Variants in NXN observed in about 807,000 individuals in gnomAD.
NXN encodes the protein nucleoredoxin 1.
Under a neutral mutation model 48.6 loss-of-function variants are expected in NXN, and 16 were observed. That is an observed-to-expected ratio of 0.33 (90% confidence interval 0.22 to 0.50). NXN has a LOEUF of 0.50. NXN is among the 20% of genes least tolerant of loss of function. The probability of loss-of-function intolerance (pLI) is 0.98; values close to 1 mark genes in which losing one functional copy is unlikely to be tolerated. For missense variants in NXN, 492 were observed against 605.5 expected (o/e 0.81, Z 1.97); for synonymous variants, 281 against 269.6 (o/e 1.04, Z -0.41).
chr17:936,566 G>C (rs1221816426), intron 1 of NXN, among the ~76,000 whole-genome samples: 1 of 151,462 alleles, frequency 6.6e-6, no homozygotes, highest in Non-Finnish European at 1.5e-5. Flanking sequence ...AACTGGACTT[G>C]GAGGAAGGGC....
At chr17:883,078 T>C (rs1181996936) in intron 1 of NXN, among the ~76,000 whole-genome samples, 1 of 152,164 alleles carries the variant, frequency 6.6e-6, no homozygotes, top group East Asian at 1.9e-4. Context: ...AACTTGGCTG[T>C]GTGTAGTGGC....
intron 1 of NXN, among the ~76,000 whole-genome samples, chr17:915,195 A>C (rs2068675543): frequency 6.6e-6 from 1 of 152,194 alleles, no homozygotes; most frequent in South Asian, 2.1e-4. Flanking sequence ...CAGCCTCCAA[A>C]AGTGCTGGGA....
At chr17:902,664 C>T (rs1473573781) in intron 1 of NXN, among the ~76,000 whole-genome samples, 2 of 152,100 alleles carry the variant, frequency 1.3e-5, no homozygotes, top group African/African-American at 4.8e-5. Context: ...ACAGAACAAG[C>T]ACCACGACAG....
chr17:971,889 C>T (rs959381329), intron 1 of NXN, among the ~76,000 whole-genome samples: 13 of 152,264 alleles, frequency 8.5e-5, no homozygotes, highest in East Asian at 1.9e-4. Context: ...ACATCCTGGC[C>T]GGGCGCCGCA....
chr17:885,690 T>C (rs2068337735), intron 1 of NXN, among the ~76,000 whole-genome samples: 2 of 61,326 alleles, frequency 3.3e-5, no homozygotes, highest in Non-Finnish European at 8.2e-5. Context: ...TTTTTTTTTT[T>C]TTTTTTTTTT....
intron 1 of NXN, among the ~76,000 whole-genome samples, chr17:943,676 A>G (rs936285828): frequency 6.6e-6 from 1 of 151,274 alleles, no homozygotes; most frequent in African/African-American, 2.4e-5. Context: ...ATAAAAATTA[A>G]CCGGGCTTGG....
chr17:977,783 C>G (rs2069479004), intron 1 of NXN, among the ~76,000 whole-genome samples: 1 of 152,192 alleles, frequency 6.6e-6, no homozygotes, highest in African/African-American at 2.4e-5. Context: ...ATCACAAAAA[C>G]CACCACCAAG....
In NXN at chr17:952,947, G is replaced by A. The variant is rs142734203; in HGVS notation, c.360+26372C>T. On this transcript the variant is annotated intron_variant, in intron 1 of 7. Transcript: ENST00000336868. ...GACCCACTTCTCCGTCCTGGAAGAC[G>A]CAATGAGATAATACATGAAAAGCAG... 1.2e-4 allele frequency among the ~76,000 whole-genome samples: 18 copies of A among 152,210 alleles called. No individual in the cohort carries two copies. In the East Asian group the frequency reaches 3.1e-3, roughly 26 times the overall value.
rs541423037 is a variant in NXN, at chr17:889,743, GAAAGAAAGAAAGAAAGAAAA to G, written c.361-63685_361-63666del. Among the ~76,000 whole-genome samples, 626 of 100,184 alleles carry G rather than the reference GAAAGAAAGAAAGAAAGAAAA, an allele frequency of 6.2e-3. 12 individuals are homozygous for G. The highest frequency in any genetic ancestry group is 0.017 in the South Asian group (54 of 3,106). 65.7% of individuals were successfully genotyped at this position (100,184 alleles called of 152,430 possible). A position where few individuals can be genotyped will look rare whatever the true frequency, so the allele number is the denominator to read the frequency against. On this transcript the variant is annotated intron_variant, in intron 1 of 7. Transcript: ENST00000336868. Reference sequence around the variant, plus strand: ...AGAAAGAAAGAAAGAAAGAAAGAAAGAAAGAAAGAAAGAAAGAAAAAGAAAGAAAGAAAAGAGAGAGAAAA... The same window carrying G: ...AGAAAGAAAGAAAGAAAGAAAGAAAGAGAAAGAAAGAAAAGAGAGAGAAAA...
intron 1 of NXN, among the ~76,000 whole-genome samples, chr17:832,264 G>A (rs112531027): frequency 0.34 from 51,198 of 151,184 alleles, 9,070 homozygotes; most frequent in African/African-American, 0.45. Context: ...TGCAAGCTCC[G>A]CCTCCCAGGT....
At chr17:810,231 G>C (rs1911891822) in intron 5 of NXN, among the ~76,000 whole-genome samples, 4 of 134,666 alleles carry the variant, frequency 3.0e-5, no homozygotes, top group Non-Finnish European at 4.9e-5. Context: ...GTCCGTGTGA[G>C]TGGCGTGCAC....
intron 1 of NXN, among the ~76,000 whole-genome samples, chr17:840,729 C>A (rs1470411165): frequency 6.6e-6 from 1 of 152,204 alleles, no homozygotes; most frequent in Admixed American, 6.5e-5. Context: ...GCGTGACAGG[C>A]AGAGGATCCG....
In NXN at chr17:813,881, G is replaced by A. The variant is rs1352652136; in HGVS notation, c.820+5558C>T. Among the ~76,000 whole-genome samples the A allele has an allele frequency of 5.9e-5, 9 of 151,790 alleles. No individual in the cohort carries two copies. The East Asian group carries it at 1.4e-3, about 23-fold the overall frequency. Reference sequence around the variant, plus strand: ...CTCAGGAGGCTGAGGCAGGAAGATCGCTTGAACCCGGGAGGCAGAGGTTGC... The same window carrying A: ...CTCAGGAGGCTGAGGCAGGAAGATCACTTGAACCCGGGAGGCAGAGGTTGC... On this transcript the variant is annotated intron_variant, in intron 5 of 7. Coordinates refer to ENST00000336868, the MANE Select transcript of NXN (RefSeq NM_022463.5).
intron 1 of NXN, among the ~76,000 whole-genome samples, chr17:928,606 C>T (rs1454442541): frequency 6.6e-6 from 1 of 152,184 alleles, no homozygotes; most frequent in African/African-American, 2.4e-5. Context: ...GAAGCGGAGA[C>T]AAGCTGATCA....
chr17:828,842 G>A (rs1056324281), intron 1 of NXN, among the ~76,000 whole-genome samples: 1 of 152,116 alleles, frequency 6.6e-6, no homozygotes, highest in African/African-American at 2.4e-5. Flanking sequence ...TACAAGGACT[G>A]AGTCAGGTTA....
At chr17:921,939 T>C (rs1253396046) in intron 1 of NXN, among the ~76,000 whole-genome samples, 2 of 152,218 alleles carry the variant, frequency 1.3e-5, no homozygotes, top group Non-Finnish European at 2.9e-5. Context: ...ATTTCTAAAA[T>C]TGAGGTTACC....
chr17:959,287 C>A, intron 1 of NXN: 1 of 410,126 alleles, frequency 2.4e-6, no homozygotes, highest in Non-Finnish European at 4.2e-6. Context: ...TCCTGGAATG[C>A]AGGTATCATC....
chr17:921,153 GC>G (rs1325921929), intron 1 of NXN, among the ~76,000 whole-genome samples: 4 of 152,144 alleles, frequency 2.6e-5, no homozygotes, highest in Non-Finnish European at 5.9e-5. Flanking sequence ...CACCCTCAGA[GC>G]AGCGGCTGGC....
At chr17:816,296 T>C (rs1912468860) in intron 5 of NXN, among the ~76,000 whole-genome samples, 1 of 152,196 alleles carries the variant, frequency 6.6e-6, no homozygotes, top group Admixed American at 6.5e-5. Context: ...CCCATGTATT[T>C]TTTTAAAGTG....
Sources: gnomAD v4.1 joint callset for allele counts (sites outside exome capture counted in the v4.1 genomes callset) on GRCh38, gnomAD v4.1.1 for gene constraint, MANE v1.5 for transcripts, NCBI Gene and HGNC (gene_info 2026-07-23, HGNC 2026-07-21) for gene names.